Variants in TLK2 observed in about 807,000 individuals in gnomAD.
TLK2 encodes the protein serine/threonine-protein kinase tousled-like 2.
Under a neutral mutation model 117.3 loss-of-function variants are expected in TLK2, and 6 were observed. The ratio of observed to expected loss-of-function variants is 0.05; its 90% CI spans 0.03 to 0.10. The LOEUF is 0.10. TLK2 is among the 10% of genes least tolerant of loss of function. The pLI is 1.00. For synonymous variants in TLK2, 257 were observed against 316.7 expected (o/e 0.81, Z 2.00); for missense variants, 299 against 901.2 (o/e 0.33, Z 8.56).
At position 62,518,948 on chromosome 17, in the gene TLK2, G is replaced by T. The variant is rs549505967; in HGVS notation, c.82-1825G>T. ...GCTGGAGTGCAATGTGCAGTGGCGCGATCTTGGCTCATTGCAACCTCTACT... is the reference window on the plus strand; with the variant it reads ...GCTGGAGTGCAATGTGCAGTGGCGCTATCTTGGCTCATTGCAACCTCTACT... On this transcript the variant is annotated intron_variant, in intron 2 of 21. Coordinates refer to ENST00000346027, the MANE Select transcript of TLK2 (RefSeq NM_006852.6). Among the ~76,000 whole-genome samples the T allele has an allele frequency of 1.2e-4, 18 of 152,270 alleles. No individual in the cohort carries two copies. The South Asian group carries it at 3.7e-3, about 32-fold the overall frequency.
intron 9 of TLK2, among the ~76,000 whole-genome samples, chr17:62,555,735 C>G (rs150027018): frequency 0.065 from 9,863 of 151,950 alleles, 1,061 homozygotes; most frequent in African/African-American, 0.22. Context: ...CCTCGGCCTC[C>G]CAAAGTGCTG....
rs372131550 is a variant in TLK2 at position 62,529,828 on chromosome 17, AT to A, written c.363+5507del. On this transcript the variant is annotated intron_variant, in intron 6 of 21. Transcript: ENST00000346027. ...AATTTCTTGCTTCCATTTAGATTGG[AT>A]TTTTTTTTTAAGTCATTTTCTGTTT... Among the ~76,000 whole-genome samples the A allele has an allele frequency of 1.2e-3, 173 of 148,690 alleles. 1 individual carries two copies. Among genetic ancestry groups the A allele is most frequent in the African/African-American group, 3.7e-3 (151 of 40,428 alleles).
At chr17:62,474,366 C>A (rs1216173536), upstream of TLK2, among the ~76,000 whole-genome samples, 1 of 151,556 alleles carries the variant, frequency 6.6e-6, no homozygotes, top group Non-Finnish European at 1.5e-5. Context: ...GCATGAGCCA[C>A]CGCGCCCGGC....
chr17:62,610,432 T>G (rs923776363), intron 21 of TLK2, among the ~76,000 whole-genome samples: 1 of 152,202 alleles, frequency 6.6e-6, no homozygotes, highest in African/African-American at 2.4e-5. Context: ...TATATTCCAC[T>G]TATGAGAAAA....
At chr17:62,495,436 A>G (rs1410297350) in intron 2 of TLK2, among the ~76,000 whole-genome samples, 1 of 151,314 alleles carries the variant, frequency 6.6e-6, no homozygotes, top group Non-Finnish European at 1.5e-5. Flanking sequence ...TTATTTTTAG[A>G]TAGGGTCTCA....
chr17:62,558,259 T>C (rs2079008495), intron 9 of TLK2, among the ~76,000 whole-genome samples: 1 of 151,464 alleles, frequency 6.6e-6, no homozygotes, highest in South Asian at 2.1e-4. Context: ...AGCCTCGACC[T>C]CCCAGGCTCA....
chr17:62,493,885 G>A (rs1035967778), intron 2 of TLK2, among the ~76,000 whole-genome samples: 2 of 152,062 alleles, frequency 1.3e-5, no homozygotes, highest in Admixed American at 6.6e-5. Context: ...AGCCTTCCAA[G>A]TAGCTGGGAT....
chr17:62,532,071 G>A (rs1487844214), intron 6 of TLK2, among the ~76,000 whole-genome samples: 1 of 152,128 alleles, frequency 6.6e-6, no homozygotes, highest in Non-Finnish European at 1.5e-5. Flanking sequence ...GCCATATGTG[G>A]CTTTGGTACT....
intron 7 of TLK2, among the ~76,000 whole-genome samples, chr17:62,543,290 A>G (rs1438805708): frequency 6.6e-6 from 1 of 152,160 alleles, no homozygotes; most frequent in Non-Finnish European, 1.5e-5. Flanking sequence ...CTTCTTGGCT[A>G]TTATGAATGA....
chr17:62,506,867 G>A (rs2074736768), intron 2 of TLK2, among the ~76,000 whole-genome samples: 1 of 152,100 alleles, frequency 6.6e-6, no homozygotes, highest in Non-Finnish European at 1.5e-5. Flanking sequence ...GCTTCTCTGT[G>A]TATTGGAATT....
intron 2 of TLK2, among the ~76,000 whole-genome samples, chr17:62,485,918 T>G (rs1205615802): frequency 2.0e-5 from 3 of 151,670 alleles, no homozygotes; most frequent in Non-Finnish European, 4.4e-5. Context: ...CCTCCCAGGT[T>G]CACGCCATTC....
At chr17:62,490,851 A>G (rs1936094821) in intron 2 of TLK2, among the ~76,000 whole-genome samples, 1 of 152,138 alleles carries the variant, frequency 6.6e-6, no homozygotes, top group Non-Finnish European at 1.5e-5. Context: ...CTAATTTCAA[A>G]AATTTTTCTT....
chr17:62,596,940 G>A (rs553278485), intron 17 of TLK2, among the ~76,000 whole-genome samples: 8 of 152,278 alleles, frequency 5.3e-5, no homozygotes, highest in South Asian at 2.1e-4. Flanking sequence ...GCCAGTTTCC[G>A]TGGTGTAGAT....
chr17:62,575,687 C>T (rs367830361), intron 12 of TLK2, among the ~76,000 whole-genome samples: 1 of 151,898 alleles, frequency 6.6e-6, no homozygotes, highest in East Asian at 1.9e-4. Flanking sequence ...CTCTCTCTCT[C>T]TCTTTCTTTT....
intron 6 of TLK2, among the ~76,000 whole-genome samples, chr17:62,531,497 C>T (rs1236704540): frequency 6.6e-6 from 1 of 152,180 alleles, no homozygotes; most frequent in Non-Finnish European, 1.5e-5. Context: ...ATTCTAGCAT[C>T]TGAAGCTTTT....
chr17:62,580,679 C>T (rs1189675333), intron 15 of TLK2, among the ~76,000 whole-genome samples: 1 of 152,182 alleles, frequency 6.6e-6, no homozygotes, highest in African/African-American at 2.4e-5. Context: ...TTCAGTTGGG[C>T]TAGCGAAGTA....
In TLK2 at chr17:62,606,322, C is replaced by G. The variant is rs1035783856; in HGVS notation, c.1971+81C>G. ...ACACAGTGCCTTGGTATGGATTAGT[C>G]TATTGGAGTTAATTATTGGGTTATA... is the stretch of plus-strand genomic sequence containing the variant. On this transcript the variant is annotated intron_variant, in intron 20 of 21. Coordinates refer to ENST00000346027, the MANE Select transcript of TLK2 (RefSeq NM_006852.6). The G allele has an allele frequency of 1.1e-5, 8 of 723,214 alleles. No individual in the cohort carries two copies. In the African/African-American group the frequency reaches 1.4e-4, roughly 13 times the overall value. The allele number at this position is 723,214 out of a possible 1,614,324, so 44.8% of individuals were successfully genotyped here.
intron 2 of TLK2, among the ~76,000 whole-genome samples, chr17:62,485,797 T>A (rs1032948360): frequency 6.6e-6 from 1 of 150,910 alleles, no homozygotes; most frequent in African/African-American, 2.4e-5. Flanking sequence ...AACTGGGTTG[T>A]GAACCTAGTA....
chr17:62,539,582 C>T (rs1598448242), intron 7 of TLK2, among the ~76,000 whole-genome samples: 2 of 151,342 alleles, frequency 1.3e-5, no homozygotes, highest in Non-Finnish European at 2.9e-5. Flanking sequence ...TGGGCTCAAG[C>T]GATTTCCCCA....
Sources: gnomAD v4.1 joint callset for allele counts (sites outside exome capture counted in the v4.1 genomes callset) on GRCh38, gnomAD v4.1.1 for gene constraint, MANE v1.5 for transcripts, NCBI Gene and HGNC (gene_info 2026-07-23, HGNC 2026-07-21) for gene names.